The following CAMSAP1 variants were observed in gnomAD, a reference collection of about 807,000 sequenced individuals.
The protein encoded by CAMSAP1 is calmodulin-regulated spectrin-associated protein 1.
A neutral mutation model predicts 143.5 loss-of-function variants in CAMSAP1; 58 were observed. That is an observed-to-expected ratio of 0.40 (90% confidence interval 0.33 to 0.50). The LOEUF (loss-of-function observed/expected upper bound fraction) is 0.50, where lower values mean the gene tolerates loss of function less well. Among genes scored for constraint, CAMSAP1 ranks in the 20% least tolerant of loss-of-function variants. The pLI, the probability that CAMSAP1 is intolerant of heterozygous loss-of-function variation, is 0.45. For missense variants in CAMSAP1, 1,969 were observed against 2,115.7 expected, an observed-to-expected ratio of 0.93 and a Z score of 1.36; for synonymous variants, 945 against 859.3, an observed-to-expected ratio of 1.10 and a Z score of -1.74.
chr9:135,812,006 A>G (rs1232016469), intron 16 of CAMSAP1, among the ~76,000 whole-genome samples: 1 of 152,178 alleles, frequency 6.6e-6, no homozygotes, highest in African/African-American at 2.4e-5. Flanking sequence ...TGCCAGAAGG[A>G]TACAGAGCAC....
chr9:135,836,544 CT>C lies in CAMSAP1; in HGVS notation c.1046-8961del, dbSNP rs947706877. 1.3e-5 allele frequency: 13 copies of C among 981,162 alleles called. 1 individual carries two copies. The Admixed American group carries it at 6.3e-4, about 48-fold the overall frequency. The allele number at this position is 981,162 out of a possible 1,614,324, so 60.8% of individuals were successfully genotyped here. A position where few individuals can be genotyped will look rare whatever the true frequency, so the allele number is the denominator to read the frequency against. On this transcript the variant is annotated intron_variant, in intron 7 of 16. Transcript: ENST00000389532. ...ATTCCGCAGCCACACAGTCATGTACCTTCTACCCCGTTCTACAGACACACAT... is the reference window on the plus strand; with the variant it reads ...ATTCCGCAGCCACACAGTCATGTACCTCTACCCCGTTCTACAGACACACAT...
intron 5 of CAMSAP1, among the ~76,000 whole-genome samples, chr9:135,855,024 C>T (rs1393131531): frequency 1.3e-5 from 2 of 151,724 alleles, no homozygotes; most frequent in African/African-American, 2.4e-5. Flanking sequence ...TGGAGCTTCA[C>T]TCTGTCACCC....
At chr9:135,850,804 G>C (rs779966773) in intron 5 of CAMSAP1, among the ~76,000 whole-genome samples, 3 of 152,166 alleles carry the variant, frequency 2.0e-5, no homozygotes, top group Non-Finnish European at 4.4e-5. Context: ...ATGTTGAGCC[G>C]AGTTTCTTCC....
At chr9:135,837,671 C>T (rs1048171221) in intron 7 of CAMSAP1, among the ~76,000 whole-genome samples, 98 of 150,970 alleles carry the variant, frequency 6.5e-4, no homozygotes, top group Admixed American at 1.8e-3. Context: ...CACGTCATCA[C>T]GCACTTTCTA....
At chr9:135,873,731 G>A (rs1319539354) in intron 3 of CAMSAP1, among the ~76,000 whole-genome samples, 1 of 152,034 alleles carries the variant, frequency 6.6e-6, no homozygotes, top group Non-Finnish European at 1.5e-5. Context: ...ATGCTAAATA[G>A]AAAATCTATT....
chr9:135,878,507 A>G (rs554963982), intron 3 of CAMSAP1, among the ~76,000 whole-genome samples: 1 of 152,346 alleles, frequency 6.6e-6, no homozygotes, highest in South Asian at 2.1e-4. Context: ...CTTATGCATC[A>G]AAGAATTGAT....
At chr9:135,840,632 G>C (rs1045927661) in intron 7 of CAMSAP1, among the ~76,000 whole-genome samples, 2 of 152,206 alleles carry the variant, frequency 1.3e-5, no homozygotes, top group African/African-American at 4.8e-5. Flanking sequence ...GATCAACACA[G>C]AAGGCGGGTG....
intron 7 of CAMSAP1, chr9:135,849,867 TTCA>T: frequency 3.3e-6 from 1 of 304,280 alleles, no homozygotes; most frequent in Non-Finnish European, 6.1e-6. Context: ...TTTTTTTTTT[TTCA>T]GTTTGTTCAT....
intron 1 of CAMSAP1, among the ~76,000 whole-genome samples, chr9:135,901,059 G>A (rs1838603689): frequency 6.6e-6 from 1 of 152,110 alleles, no homozygotes; most frequent in Admixed American, 6.6e-5. Context: ...TAGCCTCAAA[G>A]ATCTTTTCTG....
chr9:135,815,064 A>C (rs1245409777), intron 16 of CAMSAP1, 33 bp downstream of exon 16: 2 of 1,428,340 alleles, frequency 1.4e-6, no homozygotes, highest in African/African-American at 1.4e-5. Context: ...TTTTTATTCC[A>C]CATAAAAACT....
At position 135,811,266 on chromosome 9, in the gene CAMSAP1, T is replaced by C; in HGVS notation, c.*43A>G. 2 of 1,586,120 alleles carry C rather than the reference T, an allele frequency of 1.3e-6. No homozygotes were observed. Among genetic ancestry groups the C allele is most frequent in the Non-Finnish European group, 1.7e-6 (2 of 1,164,050 alleles). On this transcript the variant is annotated 3_prime_UTR_variant, in exon 17 of 17. Transcript: ENST00000389532. The surrounding 1 kb of genome is among the most constrained non-coding windows in gnomAD (Gnocchi z 4.9). ...CTGGATGCCAGCCACAAGGGCATCATTTACGAGTCTGGGTCACCCTTTGGA... is the reference window on the plus strand; with the variant it reads ...CTGGATGCCAGCCACAAGGGCATCACTTACGAGTCTGGGTCACCCTTTGGA...
At chr9:135,891,942 G>A (rs1484384911) in intron 1 of CAMSAP1, among the ~76,000 whole-genome samples, 1 of 152,204 alleles carries the variant, frequency 6.6e-6, no homozygotes, top group African/African-American at 2.4e-5. Context: ...AACGACAGAG[G>A]AGTCAGTGAA....
chr9:135,842,378 T>C (rs1004512512), intron 7 of CAMSAP1, among the ~76,000 whole-genome samples: 7 of 152,240 alleles, frequency 4.6e-5, no homozygotes, highest in African/African-American at 1.7e-4. Flanking sequence ...GTTTGACTGA[T>C]GTACCTAAAG....
chr9:135,868,875 C>T (rs996574716), intron 3 of CAMSAP1, among the ~76,000 whole-genome samples: 1 of 151,994 alleles, frequency 6.6e-6, no homozygotes, highest in Non-Finnish European at 1.5e-5. Context: ...CTCAGCCTCC[C>T]AAAGTGCTGG....
intron 7 of CAMSAP1, chr9:135,836,809 C>T (rs57140721): frequency 8.1e-6 from 8 of 982,770 alleles, no homozygotes; most frequent in African/African-American, 1.8e-5. Flanking sequence ...CTTTCTACCC[C>T]GTTCTACAGA....
chr9:135,864,885 C>T (rs1230982716), intron 4 of CAMSAP1, among the ~76,000 whole-genome samples: 1 of 152,172 alleles, frequency 6.6e-6, no homozygotes, highest in Non-Finnish European at 1.5e-5. Context: ...CTCTGCAGCC[C>T]TCCAGCCCTA....
At chr9:135,888,197 C>G (rs933942159) in intron 1 of CAMSAP1, among the ~76,000 whole-genome samples, 3 of 152,266 alleles carry the variant, frequency 2.0e-5, no homozygotes, top group African/African-American at 7.2e-5. Context: ...GGGTCTATCT[C>G]CTGCCCTGCG....
chr9:135,861,220 G>A (rs1382190314), intron 5 of CAMSAP1, among the ~76,000 whole-genome samples: 15 of 152,048 alleles, frequency 9.9e-5, no homozygotes, highest in African/African-American at 3.1e-4. Context: ...AGGCCCAAGG[G>A]GCCCCAGGGC....
At chr9:135,864,832 G>A (rs1027974585) in intron 4 of CAMSAP1, among the ~76,000 whole-genome samples, 7 of 152,094 alleles carry the variant, frequency 4.6e-5, no homozygotes, top group Non-Finnish European at 8.8e-5. Context: ...TGCAACACCC[G>A]AGGAGGAGAA....
Sources: gnomAD v4.1 joint callset for allele counts (sites outside exome capture counted in the v4.1 genomes callset) on GRCh38, gnomAD v4.1.1 for gene constraint, Gnocchi (gnomAD v3.1) non-coding constraint, MANE v1.5 for transcripts, NCBI Gene and HGNC (gene_info 2026-07-23, HGNC 2026-07-21) for gene names.